The following ENTPD6 variants were observed in gnomAD, a reference collection of about 807,000 sequenced individuals.
ENTPD6 encodes CD39 antigen-like 2.
In ENTPD6, 46 loss-of-function variants were observed where a neutral mutation model predicts 61.5. That is an observed-to-expected ratio of 0.75 (90% CI 0.59 to 0.96). ENTPD6 has a LOEUF of 0.96. Ranked by LOEUF, ENTPD6 falls within the 40% of genes least tolerant of loss-of-function variation. ENTPD6 has a pLI of 0.00. For missense variants in ENTPD6, 612 were observed against 629.0 expected, an observed-to-expected ratio of 0.97 and a Z score of 0.29; for synonymous variants, 252 against 255.5, an observed-to-expected ratio of 0.99 and a Z score of 0.13.
intron 7 of ENTPD6, 46 bp from the exon 8 acceptor site, chr20:25,216,602 C>A (rs139758745): frequency 6.9e-7 from 1 of 1,448,708 alleles, no homozygotes; most frequent in South Asian, 1.2e-5. Context: ...GCTGTTCTCG[C>A]GATCTTACTA....
intron 3 of ENTPD6, 38 bp from the exon 4 acceptor site, chr20:25,209,811 T>C (rs367662355): frequency 9.1e-6 from 14 of 1,546,488 alleles, no homozygotes; most frequent in Non-Finnish European, 1.3e-5. Context: ...CCTGTGTGTA[T>C]TCATAGTTGT....
At chr20:25,196,174 C>T (rs1274728444) in intron 1 of ENTPD6, 15 of 1,207,534 alleles carry the variant, frequency 1.2e-5, no homozygotes, top group African/African-American at 1.6e-5. Flanking sequence ...CGGACCCGCC[C>T]CCAGTCTGCG....
rs1053139928 is a variant in ENTPD6 at position 25,227,848 on chromosome 20, C to G, written c.*2251C>G. ...ACTGGACAAGCATCGGTGCTGGCCTCCCCCATGTCCTAACAGCTACAGCCA... is the reference window on the plus strand; with the variant it reads ...ACTGGACAAGCATCGGTGCTGGCCTGCCCCATGTCCTAACAGCTACAGCCA... On this transcript the variant is annotated 3_prime_UTR_variant, in exon 15 of 15. Coordinates refer to ENST00000376652, the MANE Select transcript of ENTPD6 (RefSeq NM_001247.5). Among the ~76,000 whole-genome samples, 1 of 152,246 alleles carries G rather than the reference C, an allele frequency of 6.6e-6. No individual in the cohort carries two copies. The highest frequency in any genetic ancestry group is 1.5e-5 in the Non-Finnish European group (1 of 68,052).
At position 25,222,836 on chromosome 20, in the gene ENTPD6, A is replaced by G. The variant is rs2123333170; in HGVS notation, c.1046-2A>G. 1.2e-6 allele frequency: 2 copies of G among 1,613,646 alleles called. No homozygotes were observed. The highest frequency in any genetic ancestry group is 4.5e-5 in the East Asian group (2 of 44,882). Reference sequence around the variant, plus strand: ...GACCGCTAGCCTTGTGCTTGTCCCCAGCGGCAAGCCTGCACGAGCTGTGTG... The same window carrying G: ...GACCGCTAGCCTTGTGCTTGTCCCCGGCGGCAAGCCTGCACGAGCTGTGTG... On this transcript the variant is annotated splice_acceptor_variant, in intron 11 of 14. Coordinates refer to ENST00000376652, the MANE Select transcript of ENTPD6 (RefSeq NM_001247.5). LOFTEE classifies it high-confidence loss of function.
At chr20:25,201,269 C>T (rs1410995925) in intron 1 of ENTPD6, among the ~76,000 whole-genome samples, 8 of 152,214 alleles carry the variant, frequency 5.3e-5, no homozygotes, top group Non-Finnish European at 1.0e-4. Flanking sequence ...TACACTCTTG[C>T]TCTGTAGTGT....
intron 10 of ENTPD6, among the ~76,000 whole-genome samples, chr20:25,220,387 C>T (rs1016245813): frequency 6.6e-5 from 10 of 151,756 alleles, no homozygotes; most frequent in South Asian, 4.2e-4. Context: ...GTCTAGACGC[C>T]CCCTGCTGGG....
At chr20:25,223,777 A>G (rs1330944272) in intron 12 of ENTPD6, 1 of 203,036 alleles carries the variant, frequency 4.9e-6, no homozygotes, top group Admixed American at 6.0e-5. Context: ...GGCTTCAGGA[A>G]ACATTTCAAT....
At chr20:25,207,771 A>G (rs564959851) in intron 3 of ENTPD6, among the ~76,000 whole-genome samples, 1 of 152,290 alleles carries the variant, frequency 6.6e-6, no homozygotes, top group African/African-American at 2.4e-5. Flanking sequence ...GAAAATCAGG[A>G]AAGTCAGATA....
chr20:25,217,608 A>G (rs2092386957), intron 9 of ENTPD6, 27 bp downstream of exon 9: 4 of 1,604,374 alleles, frequency 2.5e-6, no homozygotes, highest in Non-Finnish European at 3.4e-6. Context: ...AGGCGTGGGG[A>G]GGCGCCATGG....
At chr20:25,214,988 G>C (rs368641401) in intron 6 of ENTPD6, 46 bp downstream of exon 6, 2 of 1,302,454 alleles carry the variant, frequency 1.5e-6, no homozygotes, top group Non-Finnish European at 1.1e-6. Flanking sequence ...GTGCAGTGAG[G>C]TGGGTGGGAG....
chr20:25,219,329 G>A (rs1032415607), intron 10 of ENTPD6, among the ~76,000 whole-genome samples: 1 of 152,226 alleles, frequency 6.6e-6, no homozygotes, highest in Non-Finnish European at 1.5e-5. Flanking sequence ...AGCACAGGAG[G>A]GCTGTGGGGG....
chr20:25,224,235 C>T (rs1392629053), intron 13 of ENTPD6, 78 bp downstream of exon 13: 1 of 1,348,328 alleles, frequency 7.4e-7, no homozygotes, highest in East Asian at 2.4e-5. Flanking sequence ...GGCCCTGACT[C>T]TCCTGGGTGT....
chr20:25,208,315 C>T (rs944026285), intron 3 of ENTPD6, among the ~76,000 whole-genome samples: 2 of 152,148 alleles, frequency 1.3e-5, no homozygotes, highest in African/African-American at 2.4e-5. Flanking sequence ...AAAGTGGCTT[C>T]GAAGCCTGTA....
At chr20:25,205,925 G>C (rs2091459672) in intron 1 of ENTPD6, among the ~76,000 whole-genome samples, 1 of 152,264 alleles carries the variant, frequency 6.6e-6, no homozygotes, top group Non-Finnish European at 1.5e-5. Flanking sequence ...GCCTCAGGTA[G>C]CGCAGGTCGC....
At chr20:25,221,556 T>C in intron 11 of ENTPD6, 1 of 588,266 alleles carries the variant, frequency 1.7e-6, no homozygotes. Flanking sequence ...TTCCCCTGAC[T>C]GTCACCAGAA....
intron 1 of ENTPD6, chr20:25,197,371 G>A: frequency 2.6e-6 from 1 of 389,190 alleles, no homozygotes; most frequent in Non-Finnish European, 3.5e-6. Flanking sequence ...ACACCTCTCT[G>A]TTTGCCTGTG....
intron 6 of ENTPD6, 61 bp downstream of exon 6, chr20:25,215,003 C>T (rs1207522613): frequency 1.7e-6 from 2 of 1,145,220 alleles, no homozygotes; most frequent in African/African-American, 1.5e-5. Flanking sequence ...TGGGAGCAAT[C>T]CTGCTGCTTC....
Position 25,206,559 on chromosome 20 carries a change from A to T in ENTPD6, c.23A>T (p.Glu8Val). 1 of 1,613,878 alleles carries T rather than the reference A, an allele frequency of 6.2e-7. No homozygotes were observed. The highest frequency in any genetic ancestry group is 8.5e-7 in the Non-Finnish European group (1 of 1,179,690). Residue 8 changes from glutamate (E) to valine (V), a missense_variant, in exon 2 of 15, where the codon GAA becomes GTA. Coordinates refer to ENST00000376652, the MANE Select transcript of ENTPD6 (RefSeq NM_001247.5). ...TGAATGAAAAAAGGTATCCGTTATGAAACTTCCAGAAAAACGAGCTACATT... is the reference window on the plus strand; with the variant it reads ...TGAATGAAAAAAGGTATCCGTTATGTAACTTCCAGAAAAACGAGCTACATT... Reference protein sequence around the residue: MKKGIRYETSRKTSYIFQ... With the variant: MKKGIRYVTSRKTSYIFQ...
In ENTPD6 at chr20:25,225,258, C is replaced by G; in HGVS notation, c.1297C>G (p.Leu433Val). 1 of 1,613,614 alleles carries G rather than the reference C, an allele frequency of 6.2e-7. No individual in the cohort carries two copies. Among genetic ancestry groups the G allele is most frequent in the Non-Finnish European group, 8.5e-7 (1 of 1,179,964 alleles). ...PQSSPFSCMD[L>V]TYVSLLLQEF... ...GAGCAGCCCCTTCTCATGCATGGAC[C>G]TCACCTACGTCAGCCTGCTACTCCA... The change falls in exon 14 of 15, where the codon CTC becomes GTC. Residue 433 changes from leucine (L) to valine (V), a missense_variant. Coordinates refer to ENST00000376652, the MANE Select transcript of ENTPD6 (RefSeq NM_001247.5).
Sources: allele counts gnomAD v4.1 joint callset (sites outside exome capture counted in the v4.1 genomes callset), GRCh38; gene constraint gnomAD v4.1.1; transcripts MANE v1.5; gene names NCBI Gene and HGNC (gene_info 2026-07-23, HGNC 2026-07-21).